Variants in BCAS4 observed in about 807,000 individuals in gnomAD.
BCAS4 encodes breast carcinoma-amplified sequence 4.
A neutral mutation model predicts 15.7 loss-of-function variants in BCAS4; 9 were observed. The ratio of observed to expected loss-of-function variants is 0.57; its 90% CI spans 0.34 to 1.00. The LOEUF (loss-of-function observed/expected upper bound fraction) is 1.00, where lower values mean the gene tolerates loss of function less well. Among genes scored for constraint, BCAS4 ranks in the 50% least tolerant of loss-of-function variants. The pLI is 0.02. For missense variants in BCAS4, 225 were observed against 239.1 expected (o/e 0.94, Z 0.39); for synonymous variants, 101 against 99.5 (o/e 1.02, Z -0.09).
intron 4 of BCAS4, among the ~76,000 whole-genome samples, chr20:50,847,027 G>A (rs1443615221): frequency 6.6e-6 from 1 of 152,166 alleles, no homozygotes; most frequent in African/African-American, 2.4e-5. Context: ...AAACTGTTTG[G>A]ATTTGATGGA....
At chr20:50,860,237 TCTGAC>T (rs1489025016) in intron 4 of BCAS4, among the ~76,000 whole-genome samples, 1 of 152,140 alleles carries the variant, frequency 6.6e-6, no homozygotes, top group African/African-American at 2.4e-5. Context: ...GCAACATGAA[TCTGAC>T]CTGCTGATCC....
rs148903431 is a variant in BCAS4, at chr20:50,818,242, T to C, written c.122T>C (p.Met41Thr). 1.9e-6 allele frequency: 3 copies of C among 1,613,938 alleles called. No homozygotes were observed. Among genetic ancestry groups the C allele is most frequent in the African/African-American group, 1.3e-5 (1 of 74,932 alleles). The change falls in exon 2 of 5, where the codon ATG becomes ACG. Residue 41 changes from methionine (M) to threonine (T), a missense_variant. By Grantham distance (81) the Met-to-Thr change is moderately conservative. Transcript: ENST00000371608. ...AKEVEETIEGMLLRLEEFCSL... is the reference protein window; with the variant it reads ...AKEVEETIEGTLLRLEEFCSL... ...GAGGTGGAGGAGACCATCGAGGGCATGCTCCTCAGGCTGGAAGAGTTTTGC... is the reference window on the plus strand; with the variant it reads ...GAGGTGGAGGAGACCATCGAGGGCACGCTCCTCAGGCTGGAAGAGTTTTGC...
intron 4 of BCAS4, among the ~76,000 whole-genome samples, chr20:50,864,885 G>A (rs1019180955): frequency 7.2e-5 from 11 of 151,804 alleles, no homozygotes; most frequent in Non-Finnish European, 1.5e-4. Context: ...CTTGAGGTCA[G>A]GAGTTTGAGA....
intron 4 of BCAS4, among the ~76,000 whole-genome samples, chr20:50,866,114 G>T (rs1288157092): frequency 1.3e-5 from 2 of 152,160 alleles, no homozygotes; most frequent in African/African-American, 2.4e-5. Flanking sequence ...GCCTAGCCCT[G>T]TTCTCTCCAA....
At chr20:50,879,678 C>T (rs1980079895), downstream of BCAS4, 1 of 152,202 alleles carries the variant, frequency 6.6e-6, no homozygotes, top group African/African-American at 2.4e-5. Context: ...GAAGGAAATC[C>T]CATGTGATTA....
chr20:50,831,774 G>A (rs556465363), intron 3 of BCAS4, among the ~76,000 whole-genome samples: 14 of 152,220 alleles, frequency 9.2e-5, no homozygotes, highest in Non-Finnish European at 1.6e-4. Context: ...CAGAGGACCC[G>A]GAGGCTGAGA....
At chr20:50,800,227 G>C (rs1411232901) in intron 1 of BCAS4, among the ~76,000 whole-genome samples, 2 of 152,190 alleles carry the variant, frequency 1.3e-5, no homozygotes, top group East Asian at 1.9e-4. Flanking sequence ...CATTGTCTTA[G>C]GATGAGCCCT....
rs1278646307 is a variant in BCAS4 at position 50,835,245 on chromosome 20, A to ATTTT, written c.264+4880_264+4883dup. Among the ~76,000 whole-genome samples, 46 of 134,580 alleles carry ATTTT rather than the reference A, an allele frequency of 3.4e-4. 1 individual carries two copies. The South Asian group carries it at 3.6e-3, about 10-fold the overall frequency. 88.3% of individuals were successfully genotyped at this position (134,580 alleles called of 152,430 possible). On this transcript the variant is annotated intron_variant, in intron 3 of 4. Coordinates refer to ENST00000371608, the MANE Select transcript of BCAS4 (RefSeq NM_198799.4). ...TGAACTCCCACCCGCAACTACTATAATTTTTTTTTTTTTTTTTTGAGATGG... is the reference window on the plus strand; with the variant it reads ...TGAACTCCCACCCGCAACTACTATAATTTTTTTTTTTTTTTTTTTTTTGAGATGG...
intron 2 of BCAS4, among the ~76,000 whole-genome samples, chr20:50,822,863 G>A (rs2088233035): frequency 6.6e-6 from 1 of 151,162 alleles, no homozygotes. Flanking sequence ...CTGACCTCAA[G>A]TGATCCACCC....
chr20:50,795,223 G>T, intron 1 of BCAS4, 50 bp downstream of exon 1: 1 of 1,304,574 alleles, frequency 7.7e-7, no homozygotes, highest in Non-Finnish European at 9.8e-7. Context: ...GCGGTTAGGG[G>T]TCCGGGCTCC....
chr20:50,833,830 G>A (rs1398524663), intron 3 of BCAS4, among the ~76,000 whole-genome samples: 1 of 152,188 alleles, frequency 6.6e-6, no homozygotes, highest in Non-Finnish European at 1.5e-5. Flanking sequence ...TCCTGGAGGA[G>A]CATTAGACAG....
chr20:50,831,110 G>A (rs2088338184), intron 3 of BCAS4, among the ~76,000 whole-genome samples: 1 of 152,028 alleles, frequency 6.6e-6, no homozygotes, highest in Non-Finnish European at 1.5e-5. Flanking sequence ...CAGCCCCTGG[G>A]TTGCATTCTT....
At chr20:50,834,892 C>T (rs190521925) in intron 3 of BCAS4, among the ~76,000 whole-genome samples, 61 of 152,316 alleles carry the variant, frequency 4.0e-4, no homozygotes, top group African/African-American at 1.3e-3. Flanking sequence ...AGACCTCATT[C>T]CTTCTGTGGT....
downstream of BCAS4, chr20:50,882,132 G>C (rs912877505): frequency 6.6e-6 from 1 of 150,610 alleles, no homozygotes; most frequent in African/African-American, 2.5e-5. Flanking sequence ...GCAGTAAGCC[G>C]TGATCATGCC....
chr20:50,798,838 G>A (rs2087895783), intron 1 of BCAS4, among the ~76,000 whole-genome samples: 2 of 152,228 alleles, frequency 1.3e-5, no homozygotes, highest in Admixed American at 1.3e-4. Context: ...CATGGCTTAT[G>A]TCATTGTGTC....
intron 1 of BCAS4, among the ~76,000 whole-genome samples, chr20:50,796,520 G>C (rs1169859254): frequency 3.5e-5 from 1 of 28,376 alleles, no homozygotes; most frequent in Non-Finnish European, 6.3e-5. Flanking sequence ...TTTTGAGATG[G>C]AGTCTTGCTC....
In BCAS4 at chr20:50,842,039, G is replaced by A. The variant is rs77973389; in HGVS notation, c.399+139G>A. On this transcript the variant is annotated intron_variant, in intron 4 of 4. Transcript: ENST00000371608. ...TGCAGACAGGAAACGGGTACAGGCGGCCAGGCACCTCAGCCTTTCTCTGTC... is the reference window on the plus strand; with the variant it reads ...TGCAGACAGGAAACGGGTACAGGCGACCAGGCACCTCAGCCTTTCTCTGTC... 8.6e-4 allele frequency: 960 copies of A among 1,117,970 alleles called. 4 individuals are homozygous for A. The African/African-American group carries it at 0.013, about 15-fold the overall frequency. The allele number at this position is 1,117,970 out of a possible 1,614,324, so 69.3% of individuals were successfully genotyped here.
intron 2 of BCAS4, among the ~76,000 whole-genome samples, chr20:50,827,145 G>A (rs2088286993): frequency 6.6e-6 from 1 of 152,234 alleles, no homozygotes; most frequent in South Asian, 2.1e-4. Context: ...AGTCTAAGGT[G>A]CCACATGGCA....
At chr20:50,855,548 C>A (rs570904354) in intron 4 of BCAS4, among the ~76,000 whole-genome samples, 25 of 152,114 alleles carry the variant, frequency 1.6e-4, no homozygotes, top group Admixed American at 3.9e-4. Flanking sequence ...CTCCAAGAGA[C>A]CTTCCTGGGA....
Sources: gnomAD v4.1 joint callset for allele counts (sites outside exome capture counted in the v4.1 genomes callset) on GRCh38, gnomAD v4.1.1 for gene constraint, MANE v1.5 for transcripts, NCBI Gene and HGNC (gene_info 2026-07-23, HGNC 2026-07-21) for gene names.